The following PLEKHG3 variants were observed in gnomAD, a reference collection of about 807,000 sequenced individuals.
PLEKHG3 encodes the protein pleckstrin homology and RhoGEF domain containing G3, also known as pleckstrin homology domain-containing family G member 3.
In PLEKHG3, 62 loss-of-function variants were observed where a neutral mutation model predicts 94.9. The ratio of observed to expected loss-of-function variants is 0.65; its 90% CI spans 0.53 to 0.81. PLEKHG3 has a LOEUF of 0.81. Among genes scored for constraint, PLEKHG3 ranks in the 30% least tolerant of loss-of-function variants. The pLI, the probability that PLEKHG3 is intolerant of heterozygous loss-of-function variation, is 0.00. For synonymous variants in PLEKHG3, 614 were observed against 654.0 expected (o/e 0.94, Z 0.93); for missense variants, 1,461 against 1,619.3 (o/e 0.90, Z 1.68).
chr14:64,731,437 T>C lies in PLEKHG3; in HGVS notation c.926T>C (p.Phe309Ser), dbSNP rs1302027101. ...TYGELVLEGT[F>S]RVHRVRNERT... ...GGGGAGCTTGTCCTGGAGGGCACAT[T>C]CCGCGTGCATCGCGTGCGCAATGAA... is the stretch of plus-strand genomic sequence containing the variant. Residue 309 changes from phenylalanine (F) to serine (S), a missense_variant, in exon 8 of 17, where the codon TTC becomes TCC. Around this residue, in one of 3 missense-constraint regions of PLEKHG3, gnomAD observed 1,201 missense variants for 1,295.5 expected, o/e 0.93. Transcript: ENST00000247226. This position sits in a 1 kb window ranked among gnomAD's most constrained non-coding sequence, Gnocchi z 6.1. 6.2e-7 allele frequency: 1 copy of C among 1,614,002 alleles called. No homozygotes were observed.
rs1295614403 is a variant in PLEKHG3, at chr14:64,721,485, C to T, written c.-39-6108C>T. Among the ~76,000 whole-genome samples the T allele has an allele frequency of 6.6e-6, 1 of 152,212 alleles. No individual in the cohort carries two copies. Among genetic ancestry groups the T allele is most frequent in the African/African-American group, 2.4e-5 (1 of 41,446 alleles). On this transcript the variant is annotated intron_variant, in intron 1 of 16. Coordinates refer to ENST00000247226, the MANE Select transcript of PLEKHG3 (RefSeq NM_001308147.2). The surrounding 1 kb of genome is among the most constrained non-coding windows in gnomAD (Gnocchi z 4.3). ...AGCTGTGGTCCTGCTGCAAGGGACC[C>T]AGCCAGACTACATGGGCCCTGCTGC... is the stretch of plus-strand genomic sequence containing the variant.
rs772721894 is a variant in PLEKHG3 at position 64,743,092 on chromosome 14, T to C, written c.3049T>C (p.Phe1017Leu). 1 of 1,613,088 alleles carries C rather than the reference T, an allele frequency of 6.2e-7. No individual in the cohort carries two copies. The highest frequency in any genetic ancestry group is 1.1e-5 in the South Asian group (1 of 91,082). ...AGEMSPQRFF[F>L]NPSAVSQRTT... ...GGAGATGTCACCACAGCGTTTCTTC[T>C]TCAACCCGTCTGCTGTCAGCCAGAG... The change falls in exon 17 of 17, where the codon TTC becomes CTC. Residue 1017 changes from phenylalanine (F) to leucine (L), a missense_variant. Coordinates refer to ENST00000247226, the MANE Select transcript of PLEKHG3 (RefSeq NM_001308147.2). The surrounding 1 kb of genome is among the most constrained non-coding windows in gnomAD (Gnocchi z 7.2).
Position 64,738,158 on chromosome 14 carries a change from C to T in PLEKHG3, c.1405-584C>T, listed in dbSNP as rs934014239. The T allele has an allele frequency of 2.1e-5, 27 of 1,293,832 alleles. No homozygotes were observed. Among genetic ancestry groups the T allele is most frequent in the Non-Finnish European group, 2.7e-5 (27 of 991,514 alleles). The allele number at this position is 1,293,832 out of a possible 1,614,324, so 80.1% of individuals were successfully genotyped here. A position where few individuals can be genotyped will look rare whatever the true frequency, so the allele number is the denominator to read the frequency against. On this transcript the variant is annotated intron_variant, in intron 14 of 16. Transcript: ENST00000247226. The surrounding 1 kb of genome is among the most constrained non-coding windows in gnomAD (Gnocchi z 4.8). Reference sequence around the variant, plus strand: ...AGCAGGTAGCCGACTTTGCCAGCTCCCTGCTGGCCGCCCTCCACTGCTGGC... The same window carrying T: ...AGCAGGTAGCCGACTTTGCCAGCTCTCTGCTGGCCGCCCTCCACTGCTGGC...
chr14:64,731,026 T>C lies in PLEKHG3; in HGVS notation c.718-12T>C. The C allele has an allele frequency of 1.9e-6, 3 of 1,614,024 alleles. No individual in the cohort carries two copies. The highest frequency in any genetic ancestry group is 1.7e-6 in the Non-Finnish European group (2 of 1,179,994). ...CGGGTCAGGGGCACCTAAGCGTCTA[T>C]CTTCTGCGCAGGAAATTGCCAAGCA... On this transcript the variant is annotated splice_polypyrimidine_tract_variant and intron_variant, in intron 6 of 16. Coordinates refer to ENST00000247226, the MANE Select transcript of PLEKHG3 (RefSeq NM_001308147.2). This position sits in a 1 kb window ranked among gnomAD's most constrained non-coding sequence, Gnocchi z 6.1.
At chr14:64,707,449 G>A (rs1321124065) in intron 1 of PLEKHG3, among the ~76,000 whole-genome samples, 1 of 152,216 alleles carries the variant, frequency 6.6e-6, no homozygotes, top group African/African-American at 2.4e-5. Flanking sequence ...TACTATGTAT[G>A]AATGCCAGAT....
chr14:64,746,006 G>A lies in PLEKHG3; in HGVS notation c.*2303G>A, dbSNP rs545045635. ...GATTCTGCGGTCCAGTGAGTGCTGAGATCTGTCCTGAGCTCTGTGGGGAGG... is the reference window on the plus strand; with the variant it reads ...GATTCTGCGGTCCAGTGAGTGCTGAAATCTGTCCTGAGCTCTGTGGGGAGG... On this transcript the variant is annotated 3_prime_UTR_variant, in exon 17 of 17. Coordinates refer to ENST00000247226, the MANE Select transcript of PLEKHG3 (RefSeq NM_001308147.2). This position sits in a 1 kb window ranked among gnomAD's most constrained non-coding sequence, Gnocchi z 4.9. The A allele has an allele frequency of 7.9e-4, 121 of 152,460 alleles. No individual in the cohort carries two copies. Among genetic ancestry groups the A allele is most frequent in the African/African-American group, 2.8e-3 (117 of 41,580 alleles). The allele number at this position is 152,460 out of a possible 1,614,324, so 9.4% of individuals were successfully genotyped here.
Position 64,727,500 on chromosome 14 carries a change from C to A in PLEKHG3, c.-39-93C>A. 1 of 478,260 alleles carries A rather than the reference C, an allele frequency of 2.1e-6. No homozygotes were observed. Among genetic ancestry groups the A allele is most frequent in the Non-Finnish European group, 3.9e-6 (1 of 255,722 alleles). The allele number at this position is 478,260 out of a possible 1,614,324, so 29.6% of individuals were successfully genotyped here. A position where few individuals can be genotyped will look rare whatever the true frequency, so the allele number is the denominator to read the frequency against. ...CTGGATGCACTAAATAATACCTTCC[C>A]ACCCCACCTGCCCCCACCCCTGGCA... On this transcript the variant is annotated intron_variant, in intron 1 of 16. Transcript: ENST00000247226. The surrounding 1 kb of genome is among the most constrained non-coding windows in gnomAD (Gnocchi z 6.0).
intron 1 of PLEKHG3, among the ~76,000 whole-genome samples, chr14:64,724,965 G>A (rs942620130): frequency 2.0e-5 from 3 of 152,238 alleles, no homozygotes; most frequent in Non-Finnish European, 2.9e-5. Context: ...AGCGCTCAGA[G>A]CATTTCAGCA....
Position 64,731,044 on chromosome 14 carries a change from G to GC in PLEKHG3, c.726dup (p.Lys243GlnfsTer4). ...GCGTCTATCTTCTGCGCAGGAAATT[G>GC]CCAAGCATTTTGATGAAGAAGAGGA... is the stretch of plus-strand genomic sequence containing the variant. On this transcript the variant is annotated frameshift_variant, in exon 7 of 17. Coordinates refer to ENST00000247226, the MANE Select transcript of PLEKHG3 (RefSeq NM_001308147.2). LOFTEE classifies it high-confidence loss of function. This position sits in a 1 kb window ranked among gnomAD's most constrained non-coding sequence, Gnocchi z 6.1. 6.2e-7 allele frequency: 1 copy of GC among 1,614,130 alleles called. No homozygotes were observed. Among genetic ancestry groups the GC allele is most frequent in the Non-Finnish European group, 8.5e-7 (1 of 1,180,016 alleles).
At chr14:64,729,363 C>G (rs2139381264) in intron 3 of PLEKHG3, among the ~76,000 whole-genome samples, 1 of 152,350 alleles carries the variant, frequency 6.6e-6, no homozygotes, top group East Asian at 1.9e-4. Context: ...CCCTACCTTG[C>G]ACACTGGTTC....
Position 64,731,341 on chromosome 14 carries a change from T to C in PLEKHG3, c.850-20T>C, listed in dbSNP as rs754904079. 3.7e-6 allele frequency: 6 copies of C among 1,608,680 alleles called. No individual in the cohort carries two copies. Among genetic ancestry groups the C allele is most frequent in the Non-Finnish European group, 5.1e-6 (6 of 1,176,538 alleles). ...GGCCCCAGTGGCCTGACTCTAGGGA[T>C]TGGGGCCCCTCTGCTGCAGGAGATT... On this transcript the variant is annotated intron_variant, in intron 7 of 16. Transcript: ENST00000247226. This position sits in a 1 kb window ranked among gnomAD's most constrained non-coding sequence, Gnocchi z 6.1.
chr14:64,744,724 C>A lies in PLEKHG3; in HGVS notation c.*1021C>A, dbSNP rs529122811. 2.6e-5 allele frequency: 4 copies of A among 151,364 alleles called. No homozygotes were observed. The East Asian group carries it at 5.8e-4, about 22-fold the overall frequency. The allele number at this position is 151,364 out of a possible 1,614,324, so 9.4% of individuals were successfully genotyped here. A position where few individuals can be genotyped will look rare whatever the true frequency, so the allele number is the denominator to read the frequency against. On this transcript the variant is annotated 3_prime_UTR_variant, in exon 17 of 17. Coordinates refer to ENST00000247226, the MANE Select transcript of PLEKHG3 (RefSeq NM_001308147.2). Reference sequence around the variant, plus strand: ...AGCAGATGCTCCCAGTATCTGGTGCCTTTTGCGTTTCTCTCCGGTCCCCAG... The same window carrying A: ...AGCAGATGCTCCCAGTATCTGGTGCATTTTGCGTTTCTCTCCGGTCCCCAG...
intron 12 of PLEKHG3, 70 bp from the exon 13 acceptor site, chr14:64,736,783 G>A (rs2081579161): frequency 8.7e-7 from 1 of 1,154,302 alleles, no homozygotes; most frequent in African/African-American, 1.5e-5. Flanking sequence ...GTGGCGCTGT[G>A]AGCTTGGGAC....
rs2139382559 is a variant in PLEKHG3 at position 64,730,463 on chromosome 14, G to A, written c.519+151G>A. 6.6e-6 allele frequency among the ~76,000 whole-genome samples: 1 copy of A among 152,256 alleles called. No homozygotes were observed. ...TCTTGAATGAGAAGGGTGTTCTGAG[G>A]GGAGCCAGGGCTGCTGGGTGGATGG... is the stretch of plus-strand genomic sequence containing the variant. On this transcript the variant is annotated intron_variant, in intron 4 of 16. Transcript: ENST00000247226. The surrounding 1 kb of genome is among the most constrained non-coding windows in gnomAD (Gnocchi z 5.4).
rs528563449 is a variant in PLEKHG3 at position 64,737,789 on chromosome 14, C to A, written c.1404+414C>A. 3.7e-5 allele frequency: 29 copies of A among 787,636 alleles called. No individual in the cohort carries two copies. In the Admixed American group the frequency reaches 4.6e-4, roughly 12 times the overall value. The allele number at this position is 787,636 out of a possible 1,614,324, so 48.8% of individuals were successfully genotyped here. A position where few individuals can be genotyped will look rare whatever the true frequency, so the allele number is the denominator to read the frequency against. On this transcript the variant is annotated intron_variant, in intron 14 of 16. Transcript: ENST00000247226. Reference sequence around the variant, plus strand: ...TGGCTTTCTGTGTGAAGGCTCCCCCCCCGCAGCTGCCTGCAGGAGGACGGG... The same window carrying A: ...TGGCTTTCTGTGTGAAGGCTCCCCCACCGCAGCTGCCTGCAGGAGGACGGG...
Position 64,743,240 on chromosome 14 carries a change from CA to C in PLEKHG3, c.3198del (p.Gly1068AlafsTer20). On this transcript the variant is annotated frameshift_variant, in exon 17 of 17. Coordinates refer to ENST00000247226, the MANE Select transcript of PLEKHG3 (RefSeq NM_001308147.2). LOFTEE classifies it low-confidence loss of function (END_TRUNC). The surrounding 1 kb of genome is among the most constrained non-coding windows in gnomAD (Gnocchi z 7.2). ...GCCTCCCGCGATGAGGCACGCCGAG[CA>C]GGGGGCGGCCGGCCCCGCGGCCCAC... ...KYASRDEARR[A>X]GGGRPRGPPV... 1 of 1,607,178 alleles carries C rather than the reference CA, an allele frequency of 6.2e-7. No individual in the cohort carries two copies. Among genetic ancestry groups the C allele is most frequent in the Non-Finnish European group, 8.5e-7 (1 of 1,178,866 alleles).
Position 64,730,399 on chromosome 14 carries a change from C to T in PLEKHG3, c.519+87C>T. On this transcript the variant is annotated intron_variant, in intron 4 of 16. Coordinates refer to ENST00000247226, the MANE Select transcript of PLEKHG3 (RefSeq NM_001308147.2). This position sits in a 1 kb window ranked among gnomAD's most constrained non-coding sequence, Gnocchi z 5.4. ...TGCCAGCATAAGAGGACATCTGAGT[C>T]CTGGGGATTCCTTTCCAGGGAAAGT... is the stretch of plus-strand genomic sequence containing the variant. 2.2e-6 allele frequency: 2 copies of T among 909,072 alleles called. No individual in the cohort carries two copies. Among genetic ancestry groups the T allele is most frequent in the Non-Finnish European group, 3.5e-6 (2 of 576,804 alleles). The allele number at this position is 909,072 out of a possible 1,614,324, so 56.3% of individuals were successfully genotyped here.
Position 64,726,476 on chromosome 14 carries a change from G to GGCATGGGTGTT in PLEKHG3, c.-39-1106_-39-1096dup, listed in dbSNP as rs1451251051. The stretch of plus-strand genomic sequence containing the variant: ...TGGCATTGGTGAGCTCTAAGGGGTG[G>GGCATGGGTGTT]GCATGGGTGTTGCATGGGTGTCCCT... On this transcript the variant is annotated intron_variant, in intron 1 of 16. Coordinates refer to ENST00000247226, the MANE Select transcript of PLEKHG3 (RefSeq NM_001308147.2). This position sits in a 1 kb window ranked among gnomAD's most constrained non-coding sequence, Gnocchi z 5.1. Among the ~76,000 whole-genome samples, 2 of 152,122 alleles carry GGCATGGGTGTT rather than the reference G, an allele frequency of 1.3e-5. No individual in the cohort carries two copies. The highest frequency in any genetic ancestry group is 1.9e-4 in the East Asian group (1 of 5,198).
At position 64,738,854 on chromosome 14, in the gene PLEKHG3, AG is replaced by A; in HGVS notation, c.1518+1del. On this transcript the variant is annotated frameshift_variant and splice_region_variant, in exon 15 of 17. Transcript: ENST00000247226. LOFTEE classifies it high-confidence loss of function. This position sits in a 1 kb window ranked among gnomAD's most constrained non-coding sequence, Gnocchi z 4.8. ...MSFESISSLP[E>X]VEPDPEAGSE... ...TTCGAGTCCATTTCTTCCCTGCCAG[AG>A]GTGAGCGACCAGCAGGTGGGATGGG... The A allele has an allele frequency of 6.4e-7, 1 of 1,567,402 alleles. No homozygotes were observed. The highest frequency in any genetic ancestry group is 8.7e-7 in the Non-Finnish European group (1 of 1,152,110).
Sources: allele counts gnomAD v4.1 joint callset (sites outside exome capture counted in the v4.1 genomes callset), GRCh38; gene constraint gnomAD v4.1.1; regional missense constraint gnomAD v4.1.1; non-coding constraint Gnocchi (gnomAD v3.1); transcripts MANE v1.5; gene names NCBI Gene and HGNC (gene_info 2026-07-23, HGNC 2026-07-21).